Variants in ADAMTS9 observed in about 807,000 individuals in gnomAD.
The protein encoded by ADAMTS9 is A disintegrin and metalloproteinase with thrombospondin motifs 9.
ADAMTS9 carries 107 observed loss-of-function variants against 257.1 expected under a neutral mutation model. That is an observed-to-expected ratio of 0.42 (90% CI 0.36 to 0.49). ADAMTS9 has a LOEUF of 0.49. Among genes scored for constraint, ADAMTS9 ranks in the 20% least tolerant of loss-of-function variants. The pLI is 0.03. For synonymous variants in ADAMTS9, 982 were observed against 880.9 expected (o/e 1.11, Z -2.03); for missense variants, 2,353 against 2,469.1 (o/e 0.95, Z 1.00).
chr3:64,593,961 A>ATGGATG (rs1553707065), intron 28 of ADAMTS9, among the ~76,000 whole-genome samples: 5 of 108,264 alleles, frequency 4.6e-5, no homozygotes, highest in Non-Finnish European at 6.6e-5. Flanking sequence ...TGTGTGTATG[A>ATGGATG]TGTGTGTGTG....
intron 3 of ADAMTS9, among the ~76,000 whole-genome samples, chr3:64,668,449 C>T (rs1701402929): frequency 1.3e-5 from 2 of 152,040 alleles, no homozygotes; most frequent in Admixed American, 6.6e-5. Flanking sequence ...AGTGTGAGCT[C>T]GGGAATCAGA....
At chr3:64,637,461 A>C (rs1234707160) in intron 12 of ADAMTS9, among the ~76,000 whole-genome samples, 2 of 152,226 alleles carry the variant, frequency 1.3e-5, no homozygotes, top group Admixed American at 6.5e-5. Flanking sequence ...TCTTTCTTTC[A>C]AGCACATATT....
chr3:64,640,832 A>C (rs914016747), intron 12 of ADAMTS9, among the ~76,000 whole-genome samples: 3 of 151,620 alleles, frequency 2.0e-5, no homozygotes, highest in Non-Finnish European at 2.9e-5. Context: ...ACCTTCCCCC[A>C]CCCTCCACCC....
intron 3 of ADAMTS9, among the ~76,000 whole-genome samples, chr3:64,667,105 A>C (rs1701369678): frequency 6.6e-6 from 1 of 152,172 alleles, no homozygotes; most frequent in Admixed American, 6.5e-5. Flanking sequence ...AAATAAATAC[A>C]AAGAGTGGTG....
At chr3:64,523,034 T>G (rs1479471287) in intron 38 of ADAMTS9, among the ~76,000 whole-genome samples, 1 of 152,046 alleles carries the variant, frequency 6.6e-6, no homozygotes, top group Non-Finnish European at 1.5e-5. Flanking sequence ...AATATAAAAT[T>G]AAAAAACATG....
At chr3:64,615,180 G>A in intron 21 of ADAMTS9, 141 bp downstream of exon 21, 1 of 969,514 alleles carries the variant, frequency 1.0e-6, no homozygotes, top group Non-Finnish European at 1.5e-6. Context: ...GCAGAGAACT[G>A]GAGTTGTTTT....
At chr3:64,571,826 G>T (rs1197716393) in intron 28 of ADAMTS9, among the ~76,000 whole-genome samples, 1 of 152,132 alleles carries the variant, frequency 6.6e-6, no homozygotes. Context: ...TGATAGAGGG[G>T]CTATCATTTT....
intron 38 of ADAMTS9, among the ~76,000 whole-genome samples, chr3:64,531,995 T>C (rs772378572): frequency 2.0e-5 from 3 of 152,162 alleles, no homozygotes; most frequent in African/African-American, 4.8e-5. Flanking sequence ...TTTGAATCAT[T>C]TGGGGAGCTT....
intron 28 of ADAMTS9, among the ~76,000 whole-genome samples, chr3:64,577,362 G>T (rs73832333): frequency 0.04 from 6,024 of 152,182 alleles, 280 homozygotes; most frequent in African/African-American, 0.1. Context: ...AAGGTTTACC[G>T]GGTGATTATT....
chr3:64,551,489 G>A (rs112774460), intron 30 of ADAMTS9, among the ~76,000 whole-genome samples: 4,902 of 152,220 alleles, frequency 0.032, 277 homozygotes, highest in African/African-American at 0.11. Flanking sequence ...GATTACAGGC[G>A]TGAGCCACCA....
At chr3:64,594,150 T>A in intron 28 of ADAMTS9, 108 bp downstream of exon 28, 1 of 1,215,298 alleles carries the variant, frequency 8.2e-7, no homozygotes, top group East Asian at 2.4e-5. Context: ...ATAGCAGAGT[T>A]TCTGGGATGC....
At chr3:64,566,039 T>C (rs759605123) in intron 29 of ADAMTS9, among the ~76,000 whole-genome samples, 3 of 152,198 alleles carry the variant, frequency 2.0e-5, no homozygotes, top group Non-Finnish European at 2.9e-5. Context: ...TTCGATGTGA[T>C]GAGAAATTAA....
At chr3:64,534,377 T>G (rs1405346920) in intron 37 of ADAMTS9, among the ~76,000 whole-genome samples, 1 of 152,222 alleles carries the variant, frequency 6.6e-6, no homozygotes, top group Admixed American at 6.5e-5. Context: ...TTAGTAGATA[T>G]GCAAAAAGAT....
chr3:64,608,229 G>A (rs1351640310), intron 22 of ADAMTS9, among the ~76,000 whole-genome samples: 9 of 60,184 alleles, frequency 1.5e-4, no homozygotes, highest in Admixed American at 1.9e-4. Context: ...ACTTCCTAAG[G>A]AACTACAAAA....
intron 28 of ADAMTS9, among the ~76,000 whole-genome samples, chr3:64,580,317 C>T (rs925846009): frequency 6.6e-6 from 1 of 152,064 alleles, no homozygotes; most frequent in African/African-American, 2.4e-5. Flanking sequence ...TAGAAAAAGC[C>T]TTGCTTTCTA....
chr3:64,634,153 G>A (rs545811805), intron 12 of ADAMTS9, among the ~76,000 whole-genome samples: 36 of 152,178 alleles, frequency 2.4e-4, no homozygotes, highest in African/African-American at 8.7e-4. Context: ...GAGAATAAAT[G>A]TTAGAATGTA....
In ADAMTS9 at chr3:64,633,619, G is replaced by C. The variant is rs1168760753; in HGVS notation, c.2039-11C>G. ...GGTCCTTCATCAGAACTAGAGAGGAGAAACAATACAACTTGACTTTTGTGC... is the reference window on the plus strand; with the variant it reads ...GGTCCTTCATCAGAACTAGAGAGGACAAACAATACAACTTGACTTTTGTGC... On this transcript the variant is annotated splice_polypyrimidine_tract_variant and intron_variant, in intron 13 of 39. Coordinates refer to ENST00000498707, the MANE Select transcript of ADAMTS9 (RefSeq NM_182920.2). 1 of 1,613,914 alleles carries C rather than the reference G, an allele frequency of 6.2e-7. No individual in the cohort carries two copies. Among genetic ancestry groups the C allele is most frequent in the African/African-American group, 1.3e-5 (1 of 74,878 alleles).
chr3:64,660,588 C>A (rs1228027245), intron 3 of ADAMTS9, among the ~76,000 whole-genome samples: 1 of 152,164 alleles, frequency 6.6e-6, no homozygotes, highest in East Asian at 1.9e-4. Flanking sequence ...GGCTGGAAAT[C>A]ATCCTTTAAG....
chr3:64,686,510 T>A lies in ADAMTS9; in HGVS notation c.516+58A>T, dbSNP rs1701910884. The A allele has an allele frequency of 6.6e-7, 1 of 1,508,318 alleles. No individual in the cohort carries two copies. The highest frequency in any genetic ancestry group is 1.3e-5 in the South Asian group (1 of 75,344). 93.4% of individuals were successfully genotyped at this position (1,508,318 alleles called of 1,614,324 possible). ...TCTCTAGGCTTAGAGGACAATTAAG[T>A]CTTCTAGAAGCGGGCGAGGAGGCGG... is the stretch of plus-strand genomic sequence containing the variant. On this transcript the variant is annotated intron_variant, in intron 2 of 39. Coordinates refer to ENST00000498707, the MANE Select transcript of ADAMTS9 (RefSeq NM_182920.2). The surrounding 1 kb of genome is among the most constrained non-coding windows in gnomAD (Gnocchi z 4.6).
Sources: gnomAD v4.1 joint callset for allele counts (sites outside exome capture counted in the v4.1 genomes callset) on GRCh38, gnomAD v4.1.1 for gene constraint, Gnocchi (gnomAD v3.1) non-coding constraint, MANE v1.5 for transcripts, NCBI Gene and HGNC (gene_info 2026-07-23, HGNC 2026-07-21) for gene names.